DENND2A: variants seen among roughly 807,000 people sequenced by gnomAD.
DENND2A encodes the protein DENN domain containing 2A, also known as DENN domain-containing protein 2A.
A neutral mutation model predicts 105.3 loss-of-function variants in DENND2A; 53 were observed. That is an observed-to-expected ratio of 0.50 (90% CI 0.40 to 0.63). The LOEUF (loss-of-function observed/expected upper bound fraction) is 0.63. Ranked by LOEUF, DENND2A falls within the 30% of genes least tolerant of loss-of-function variation. The pLI is 0.00. For synonymous variants in DENND2A, 522 were observed against 508.4 expected (o/e 1.03, Z -0.36); for missense variants, 1,138 against 1,279.6 (o/e 0.89, Z 1.69).
chr7:140,532,957 A>T (rs924708823), intron 14 of DENND2A, among the ~76,000 whole-genome samples: 1 of 151,184 alleles, frequency 6.6e-6, no homozygotes, highest in Admixed American at 6.6e-5. Context: ...AACATGTTTA[A>T]CTTTTTTTCC....
intron 9 of DENND2A, among the ~76,000 whole-genome samples, chr7:140,562,426 C>A (rs1217070718): frequency 1.3e-5 from 2 of 152,014 alleles, no homozygotes; most frequent in Non-Finnish European, 2.9e-5. Context: ...CTTTGGGAGG[C>A]TGAGGCGGGC....
intron 1 of DENND2A, among the ~76,000 whole-genome samples, chr7:140,608,060 G>T (rs533336253): frequency 5.9e-5 from 9 of 152,324 alleles, no homozygotes; most frequent in African/African-American, 2.2e-4. Context: ...AGGAAAAAAG[G>T]CCACTGTGTC....
chr7:140,529,508 C>T (rs1430031921), intron 14 of DENND2A, among the ~76,000 whole-genome samples: 1 of 152,132 alleles, frequency 6.6e-6, no homozygotes, highest in East Asian at 1.9e-4. Context: ...ATGTTTATTG[C>T]ACCACTATTC....
intron 1 of DENND2A, among the ~76,000 whole-genome samples, chr7:140,615,352 C>A (rs563587195): frequency 6.6e-6 from 1 of 152,094 alleles, no homozygotes; most frequent in African/African-American, 2.4e-5. Flanking sequence ...AGAACAACAC[C>A]GGGGGACATA....
chr7:140,534,702 A>G (rs1796398267), intron 14 of DENND2A, among the ~76,000 whole-genome samples: 1 of 152,170 alleles, frequency 6.6e-6, no homozygotes, highest in Non-Finnish European at 1.5e-5. Flanking sequence ...GGCTTGCTGC[A>G]GAGTGTGGAG....
intron 3 of DENND2A, among the ~76,000 whole-genome samples, chr7:140,592,521 T>A (rs1423845474): frequency 6.6e-6 from 1 of 151,528 alleles, no homozygotes; most frequent in Non-Finnish European, 1.5e-5. Flanking sequence ...AATTTTTCGT[T>A]TTTAGTAGAG....
At chr7:140,618,597 G>A (rs1306398582) in intron 1 of DENND2A, among the ~76,000 whole-genome samples, 2 of 152,078 alleles carry the variant, frequency 1.3e-5, no homozygotes, top group African/African-American at 2.4e-5. Context: ...CAATATTCCC[G>A]TGGTCTCATA....
At position 140,602,516 on chromosome 7, in the gene DENND2A, T is replaced by C; in HGVS notation, c.-119A>G. 8.7e-7 allele frequency: 1 copy of C among 1,153,268 alleles called. No homozygotes were observed. The highest frequency in any genetic ancestry group is 2.6e-5 in the East Asian group (1 of 38,460). The allele number at this position is 1,153,268 out of a possible 1,614,324, so 71.4% of individuals were successfully genotyped here. On this transcript the variant is annotated 5_prime_UTR_variant, in exon 3 of 20. Coordinates refer to ENST00000496613, the MANE Select transcript of DENND2A (RefSeq NM_015689.5). Reference sequence around the variant, plus strand: ...AAGTGGATGCCTTCGAGGGTCTTTCTCAGTCCTTGGACCTTCCACCTTGAC... The same window carrying C: ...AAGTGGATGCCTTCGAGGGTCTTTCCCAGTCCTTGGACCTTCCACCTTGAC...
chr7:140,519,020 T>C (rs1795757516), intron 19 of DENND2A, among the ~76,000 whole-genome samples: 2 of 152,142 alleles, frequency 1.3e-5, no homozygotes, highest in Non-Finnish European at 2.9e-5. Flanking sequence ...AACACATCCC[T>C]CAGGAGCCAG....
At chr7:140,572,287 G>T (rs548951592) in intron 6 of DENND2A, among the ~76,000 whole-genome samples, 40 of 151,958 alleles carry the variant, frequency 2.6e-4, no homozygotes, top group Non-Finnish European at 5.1e-4. Flanking sequence ...GATTACAGGT[G>T]TGAGCCACTG....
chr7:140,558,259 A>G (rs778787178), intron 10 of DENND2A, 47 bp from the exon 11 acceptor site: 6 of 1,468,372 alleles, frequency 4.1e-6, no homozygotes, highest in Admixed American at 3.4e-5. Context: ...AACAAAACCA[A>G]AGACACCTCA....
At chr7:140,608,750 A>G (rs1165510634) in intron 1 of DENND2A, among the ~76,000 whole-genome samples, 1 of 152,154 alleles carries the variant, frequency 6.6e-6, no homozygotes, top group East Asian at 1.9e-4. Flanking sequence ...TCTGTGACTT[A>G]AATTACCATG....
intron 15 of DENND2A, 42 bp from the exon 16 acceptor site, chr7:140,525,834 T>C: frequency 6.4e-7 from 1 of 1,558,764 alleles, no homozygotes; most frequent in East Asian, 2.3e-5. Context: ...TCACCAGGGC[T>C]TCTGGGATAG....
At chr7:140,636,578 A>G (rs942260330) in intron 1 of DENND2A, among the ~76,000 whole-genome samples, 8 of 150,220 alleles carry the variant, frequency 5.3e-5, no homozygotes, top group Middle Eastern at 3.2e-3. Flanking sequence ...TAGAGCAGCC[A>G]CTCTCAACCT....
intron 5 of DENND2A, among the ~76,000 whole-genome samples, chr7:140,582,281 A>G (rs1798578651): frequency 6.6e-6 from 1 of 152,012 alleles, no homozygotes; most frequent in African/African-American, 2.4e-5. Context: ...GATGTTTTTC[A>G]TTGTTCCTCA....
intron 8 of DENND2A, 49 bp from the exon 9 acceptor site, chr7:140,567,322 G>GAGAA: frequency 7.1e-7 from 1 of 1,414,470 alleles, no homozygotes; most frequent in Non-Finnish European, 9.4e-7. Flanking sequence ...GAGAGAGAGA[G>GAGAA]AGAGAGAGAG....
intron 3 of DENND2A, among the ~76,000 whole-genome samples, chr7:140,591,031 C>T (rs1029981989): frequency 2.0e-5 from 3 of 152,164 alleles, no homozygotes; most frequent in African/African-American, 7.2e-5. Context: ...GGCGCAGTAG[C>T]TCACACCTAT....
At chr7:140,586,601 G>T (rs1376597084) in intron 4 of DENND2A, among the ~76,000 whole-genome samples, 2 of 152,026 alleles carry the variant, frequency 1.3e-5, no homozygotes, top group Non-Finnish European at 2.9e-5. Flanking sequence ...AATGGAGGAA[G>T]GAAAAGCTAG....
chr7:140,585,939 G>A (rs368331510), intron 4 of DENND2A, among the ~76,000 whole-genome samples: 4 of 152,220 alleles, frequency 2.6e-5, no homozygotes, highest in Non-Finnish European at 4.4e-5. Context: ...CAGTTTCAGC[G>A]CTTTAGCCAA....
Sources: allele counts gnomAD v4.1 joint callset (sites outside exome capture counted in the v4.1 genomes callset), GRCh38; gene constraint gnomAD v4.1.1; transcripts MANE v1.5; gene names NCBI Gene and HGNC (gene_info 2026-07-23, HGNC 2026-07-21).